Variants in PIP4K2A observed in about 807,000 individuals in gnomAD.
The protein encoded by PIP4K2A is phosphatidylinositol-5-phosphate 4-kinase type 2 alpha, also known as phosphatidylinositol 5-phosphate 4-kinase type-2 alpha.
Under a neutral mutation model 42.9 loss-of-function variants are expected in PIP4K2A, and 14 were observed. That is an observed-to-expected ratio of 0.33 (90% CI 0.22 to 0.51). PIP4K2A has a LOEUF of 0.51. PIP4K2A is among the 20% of genes least tolerant of loss of function. PIP4K2A has a pLI of 0.97. For synonymous variants in PIP4K2A, 192 were observed against 192.2 expected, an observed-to-expected ratio of 1.00 and a Z score of 0.01; for missense variants, 434 against 519.8, an observed-to-expected ratio of 0.83 and a Z score of 1.61.
chr10:22,592,988 T>C (rs1037917702), intron 3 of PIP4K2A, among the ~76,000 whole-genome samples: 16 of 152,276 alleles, frequency 1.1e-4, no homozygotes, highest in Non-Finnish European at 1.8e-4. Flanking sequence ...TAGATAGCTC[T>C]GCCCATGAAT....
chr10:22,598,452 ATGTTAAAAGGAGAATTT>A (rs1837681110), intron 3 of PIP4K2A, among the ~76,000 whole-genome samples: 1 of 152,246 alleles, frequency 6.6e-6, no homozygotes, highest in Admixed American at 6.5e-5. Flanking sequence ...AATAACTTAC[ATGTTAAAAGGAGAATTT>A]AAAATTTCAC....
intron 1 of PIP4K2A, among the ~76,000 whole-genome samples, chr10:22,659,438 C>G (rs1244796981): frequency 6.6e-6 from 1 of 152,158 alleles, no homozygotes; most frequent in Non-Finnish European, 1.5e-5. Context: ...ACTAAAAATA[C>G]AAAAATTAGC....
rs146595247 is a variant in PIP4K2A, at chr10:22,573,162, T to C, written c.639+149A>G. ...TTTTGGTGAGGCCAGCAAGCACTTA[T>C]TGCCTCACAGGAAGGAATACACTGC... On this transcript the variant is annotated intron_variant, in intron 5 of 9. Transcript: ENST00000376573. 1.8e-3 allele frequency: 1,214 copies of C among 670,970 alleles called. 8 individuals are homozygous for C. In the African/African-American group the frequency reaches 0.02, roughly 11 times the overall value. The allele number at this position is 670,970 out of a possible 1,614,324, so 41.6% of individuals were successfully genotyped here.
At chr10:22,565,447 A>C (rs1347862142) in intron 6 of PIP4K2A, among the ~76,000 whole-genome samples, 2 of 152,226 alleles carry the variant, frequency 1.3e-5, no homozygotes, top group Admixed American at 1.3e-4. Context: ...CATAAATTGT[A>C]AAGATTTCAT....
intron 4 of PIP4K2A, among the ~76,000 whole-genome samples, chr10:22,576,912 A>G (rs913779311): frequency 2.0e-5 from 3 of 151,978 alleles, no homozygotes; most frequent in Admixed American, 6.6e-5. Flanking sequence ...CGTCTCTGCT[A>G]AAAATACAAA....
chr10:22,608,116 T>C (rs1366333240), intron 2 of PIP4K2A, 93 bp from the exon 3 acceptor site: 4 of 777,174 alleles, frequency 5.1e-6, no homozygotes, highest in Non-Finnish European at 8.7e-6. Flanking sequence ...AAAGAAGGGT[T>C]CAGAGTTCAC....
intron 1 of PIP4K2A, chr10:22,693,946 C>A (rs535860349): frequency 6.6e-6 from 1 of 152,220 alleles, no homozygotes; most frequent in East Asian, 1.9e-4. Flanking sequence ...CATTTACACA[C>A]CTTATCTGAG....
At chr10:22,685,505 A>C (rs1240288146) in intron 1 of PIP4K2A, among the ~76,000 whole-genome samples, 1 of 151,804 alleles carries the variant, frequency 6.6e-6, no homozygotes, top group Non-Finnish European at 1.5e-5. Flanking sequence ...GACAGGCCTG[A>C]TCAACAAAGT....
At chr10:22,593,961 A>G (rs1465767954) in intron 3 of PIP4K2A, among the ~76,000 whole-genome samples, 1 of 152,248 alleles carries the variant, frequency 6.6e-6, no homozygotes, top group Non-Finnish European at 1.5e-5. Context: ...ATAGGACAGT[A>G]TAACGTCCTC....
At chr10:22,559,283 C>T (rs1242537300) in intron 6 of PIP4K2A, among the ~76,000 whole-genome samples, 1 of 152,124 alleles carries the variant, frequency 6.6e-6, no homozygotes, top group African/African-American at 2.4e-5. Flanking sequence ...TTCTCTCCAC[C>T]CCAACTTTTT....
chr10:22,559,427 T>TG (rs774264057), intron 6 of PIP4K2A, among the ~76,000 whole-genome samples: 3 of 152,224 alleles, frequency 2.0e-5, no homozygotes, highest in Non-Finnish European at 4.4e-5. Flanking sequence ...TGAGAGCTGA[T>TG]GAAGCACCAT....
chr10:22,538,789 T>G (rs1337468799), intron 9 of PIP4K2A, among the ~76,000 whole-genome samples: 1 of 142,136 alleles, frequency 7.0e-6, no homozygotes, highest in East Asian at 2.2e-4. Context: ...ACTTGCTTAC[T>G]GACGTGCTCG....
intron 3 of PIP4K2A, among the ~76,000 whole-genome samples, chr10:22,596,420 T>G (rs1272169712): frequency 6.6e-6 from 1 of 152,072 alleles, no homozygotes; most frequent in Non-Finnish European, 1.5e-5. Context: ...AAAATAACAC[T>G]TCACAGATTC....
In PIP4K2A at chr10:22,630,851, G is replaced by A. The variant is rs1039584366; in HGVS notation, c.145-21134C>T. On this transcript the variant is annotated intron_variant, in intron 1 of 9. Coordinates refer to ENST00000376573, the MANE Select transcript of PIP4K2A (RefSeq NM_005028.5). ...TTACTACAACATACTTGGGTTCTGGGTCCTCTCACCTTCCATCATCATCCA... is the reference window on the plus strand; with the variant it reads ...TTACTACAACATACTTGGGTTCTGGATCCTCTCACCTTCCATCATCATCCA... Among the ~76,000 whole-genome samples the A allele has an allele frequency of 2.0e-5, 3 of 152,174 alleles. No individual in the cohort carries two copies. In the South Asian group the frequency reaches 6.2e-4, roughly 32 times the overall value.
At chr10:22,707,612 T>A (rs1289537244) in intron 1 of PIP4K2A, among the ~76,000 whole-genome samples, 1 of 152,200 alleles carries the variant, frequency 6.6e-6, no homozygotes, top group Admixed American at 6.5e-5. Context: ...AAGAAATGAA[T>A]GATTCCTGAG....
Position 22,601,130 on chromosome 10 carries a change from C to CAAAAAAAAAAAAAAAA in PIP4K2A, c.339+6781_339+6796dup, listed in dbSNP as rs1188396077. ...CCTGGGCAACAGAGCGAGACTGTCT[C>CAAAAAAAAAAAAAAAA]AAAAAAAAAAAAAAAAAAAAAAAAA... is the stretch of plus-strand genomic sequence containing the variant. On this transcript the variant is annotated intron_variant, in intron 3 of 9. Transcript: ENST00000376573. 1.4e-3 allele frequency among the ~76,000 whole-genome samples: 46 copies of CAAAAAAAAAAAAAAAA among 31,924 alleles called. 4 individuals are homozygous for CAAAAAAAAAAAAAAAA. The highest frequency in any genetic ancestry group is 7.3e-3 in the South Asian group (3 of 412). 20.9% of individuals were successfully genotyped at this position (31,924 alleles called of 152,430 possible).
At chr10:22,609,964 T>C (rs1239941253) in intron 1 of PIP4K2A, among the ~76,000 whole-genome samples, 3 of 152,074 alleles carry the variant, frequency 2.0e-5, no homozygotes. Context: ...GAGTCAATCC[T>C]CATGCCACCT....
chr10:22,692,169 A>G (rs900983958), intron 1 of PIP4K2A, among the ~76,000 whole-genome samples: 4 of 151,686 alleles, frequency 2.6e-5, no homozygotes, highest in Non-Finnish European at 5.9e-5. Context: ...GGGTGATGGG[A>G]GACAGTGACA....
chr10:22,645,712 G>GTC (rs1019445121), intron 1 of PIP4K2A, among the ~76,000 whole-genome samples: 1 of 149,784 alleles, frequency 6.7e-6, no homozygotes, highest in Non-Finnish European at 1.5e-5. Context: ...CTGAGACAGG[G>GTC]TCTCACTCAG....
Sources: allele counts gnomAD v4.1 joint callset (sites outside exome capture counted in the v4.1 genomes callset), GRCh38; gene constraint gnomAD v4.1.1; transcripts MANE v1.5; gene names NCBI Gene and HGNC (gene_info 2026-07-23, HGNC 2026-07-21).